BCL2L13: variants seen among roughly 807,000 people sequenced by gnomAD.
BCL2L13 encodes bcl-2-like protein 13.
BCL2L13 carries 13 observed loss-of-function variants against 25.8 expected under a neutral mutation model. The observed-to-expected ratio is 0.50, with a 90% CI of 0.33 to 0.80. The LOEUF is 0.80. Among genes scored for constraint, BCL2L13 ranks in the 30% least tolerant of loss-of-function variants. The pLI is 0.02. For synonymous variants in BCL2L13, 244 were observed against 230.3 expected (o/e 1.06, Z -0.54); for missense variants, 504 against 574.9 (o/e 0.88, Z 1.26).
chr22:17,658,112 G>A (rs760053255), intron 2 of BCL2L13, among the ~76,000 whole-genome samples: 2 of 150,890 alleles, frequency 1.3e-5, no homozygotes, highest in African/African-American at 2.5e-5. Context: ...GAGCCACCAC[G>A]CCCGGCCGAC....
intron 2 of BCL2L13, among the ~76,000 whole-genome samples, chr22:17,682,993 C>T (rs868141624): frequency 2.0e-5 from 3 of 152,114 alleles, no homozygotes; most frequent in Middle Eastern, 6.8e-3. Flanking sequence ...ATTAGCCAGG[C>T]GTGGTGGCAG....
At chr22:17,665,438 T>G (rs1158715655) in intron 2 of BCL2L13, among the ~76,000 whole-genome samples, 1 of 152,222 alleles carries the variant, frequency 6.6e-6, no homozygotes, top group African/African-American at 2.4e-5. Context: ...TGTTCCAACT[T>G]CTGCCTGTTT....
chr22:17,691,793 GT>G (rs1444022623), intron 4 of BCL2L13, among the ~76,000 whole-genome samples: 17 of 152,172 alleles, frequency 1.1e-4, no homozygotes, highest in African/African-American at 4.1e-4. Context: ...TGTTATGTAA[GT>G]TTTTAAAAGT....
chr22:17,685,754 C>CTTTTTTTTTTTTTTTTTT (rs2059909181), intron 3 of BCL2L13, among the ~76,000 whole-genome samples: 1 of 53,996 alleles, frequency 1.9e-5, no homozygotes, highest in African/African-American at 6.3e-5. Flanking sequence ...ATAATTTTTT[C>CTTTTTTTTTTTTTTTTTT]TTTTTCTTTT....
intron 6 of BCL2L13, chr22:17,703,272 A>C (rs2060494278): frequency 6.6e-6 from 1 of 152,198 alleles, no homozygotes; most frequent in Admixed American, 6.5e-5. Context: ...AGAAGTCTGT[A>C]CGTGTCCATT....
At chr22:17,655,513 G>A (rs1219853300) in intron 1 of BCL2L13, 149 bp from the exon 2 acceptor site, 3 of 388,788 alleles carry the variant, frequency 7.7e-6, no homozygotes, top group Non-Finnish European at 8.6e-6. Context: ...AGGTTGTGGT[G>A]AGCTGAGATT....
At chr22:17,709,556 C>T (rs2060687137) in intron 6 of BCL2L13, among the ~76,000 whole-genome samples, 1 of 152,118 alleles carries the variant, frequency 6.6e-6, no homozygotes, top group Admixed American at 6.5e-5. Flanking sequence ...GATTGTGCCT[C>T]TGCGCTCCAA....
chr22:17,649,272 A>G lies in BCL2L13; in HGVS notation c.-50-6390A>G, dbSNP rs186208652. On this transcript the variant is annotated intron_variant, in intron 1 of 6. Transcript: ENST00000317582. ...GCCACCATGCCTGGCTAATTTTTGT[A>G]TTTTAGTAGGGACGGGGTTTCACCA... 5.1e-4 allele frequency among the ~76,000 whole-genome samples: 78 copies of G among 151,594 alleles called. No homozygotes were observed. In the East Asian group the frequency reaches 0.012, roughly 24 times the overall value.
chr22:17,682,586 A>C lies in BCL2L13; in HGVS notation c.122-628A>C, dbSNP rs914557951. On this transcript the variant is annotated intron_variant, in intron 2 of 6. Transcript: ENST00000317582. Reference sequence around the variant, plus strand: ...GATACATTGTCTACAAAAAGAGAGGACTGGCCCGACTTATTGATACATCTT... The same window carrying C: ...GATACATTGTCTACAAAAAGAGAGGCCTGGCCCGACTTATTGATACATCTT... Among the ~76,000 whole-genome samples, 3 of 152,052 alleles carry C rather than the reference A, an allele frequency of 2.0e-5. No individual in the cohort carries two copies. In the South Asian group the frequency reaches 6.2e-4, roughly 32 times the overall value.
At chr22:17,681,122 A>G (rs1248763848) in intron 2 of BCL2L13, among the ~76,000 whole-genome samples, 2 of 152,192 alleles carry the variant, frequency 1.3e-5, no homozygotes, top group African/African-American at 2.4e-5. Flanking sequence ...AGGTTACCCA[A>G]TAGTACAAAA....
chr22:17,696,131 ATC>A lies in BCL2L13; in HGVS notation c.387-6_387-5del, dbSNP rs954051851. 1.2e-6 allele frequency: 2 copies of A among 1,610,218 alleles called. No homozygotes were observed. The highest frequency in any genetic ancestry group is 1.7e-6 in the Non-Finnish European group (2 of 1,176,548). On this transcript the variant is annotated splice_region_variant and splice_polypyrimidine_tract_variant and intron_variant, in intron 4 of 6. Transcript: ENST00000317582. ...CTTTGTGACACAGACTTTTAAAAAA[ATC>A]TCTACAGGCCAGTGACATATCAGGC...
chr22:17,706,091 T>G (rs1188909321), intron 6 of BCL2L13, among the ~76,000 whole-genome samples: 1 of 152,214 alleles, frequency 6.6e-6, no homozygotes, highest in Non-Finnish European at 1.5e-5. Context: ...ATGGCTCATT[T>G]GCAGCCTCAA....
chr22:17,662,105 G>C (rs2059086743), intron 2 of BCL2L13, among the ~76,000 whole-genome samples: 1 of 152,096 alleles, frequency 6.6e-6, no homozygotes, highest in African/African-American at 2.4e-5. Flanking sequence ...TTCTGATAGA[G>C]TTTTTAGCAC....
chr22:17,638,684 A>G (rs550357097), upstream of BCL2L13: 10 of 1,231,680 alleles, frequency 8.1e-6, no homozygotes, highest in African/African-American at 1.2e-4. Flanking sequence ...CGCTCCGGAT[A>G]CCGTTCCGGA....
chr22:17,684,392 A>G lies in BCL2L13; in HGVS notation c.229+1071A>G, dbSNP rs1438398954. 3.3e-5 allele frequency among the ~76,000 whole-genome samples: 5 copies of G among 152,324 alleles called. No homozygotes were observed. The East Asian group carries it at 9.6e-4, about 29-fold the overall frequency. On this transcript the variant is annotated intron_variant, in intron 3 of 6. Transcript: ENST00000317582. ...TTTATCACCATGATCTAAATTTAGAACACTTTCGGTTCTCCTTAAAGAAAC... is the reference window on the plus strand; with the variant it reads ...TTTATCACCATGATCTAAATTTAGAGCACTTTCGGTTCTCCTTAAAGAAAC...
At chr22:17,670,037 T>C (rs1460345656) in intron 2 of BCL2L13, among the ~76,000 whole-genome samples, 1 of 152,246 alleles carries the variant, frequency 6.6e-6, no homozygotes, top group Middle Eastern at 3.2e-3. Flanking sequence ...TTTCTCCCAT[T>C]GGTTGACCTT....
At chr22:17,649,582 A>G (rs1395332463) in intron 1 of BCL2L13, among the ~76,000 whole-genome samples, 2 of 151,804 alleles carry the variant, frequency 1.3e-5, no homozygotes, top group Non-Finnish European at 2.9e-5. Context: ...GGCTCACTGC[A>G]ACCTCTGCCT....
chr22:17,722,382 T>G (rs754642991), intron 6 of BCL2L13, among the ~76,000 whole-genome samples: 2 of 126,544 alleles, frequency 1.6e-5, no homozygotes, highest in Non-Finnish European at 3.2e-5. Context: ...TACAGGGGTG[T>G]GTGTGTGTGT....
At position 17,661,808 on chromosome 22, in the gene BCL2L13, A is replaced by T. The variant is rs545721706; in HGVS notation, c.121+5976A>T. The stretch of plus-strand genomic sequence containing the variant: ...GGAGTTAGAGACCAGCTTGACCCAC[A>T]TGGAGAAACCCTGTCTCTACTAAAA... On this transcript the variant is annotated intron_variant, in intron 2 of 6. Coordinates refer to ENST00000317582, the MANE Select transcript of BCL2L13 (RefSeq NM_015367.4). Among the ~76,000 whole-genome samples the T allele has an allele frequency of 3.5e-5, 5 of 144,074 alleles. 1 individual carries two copies. The highest frequency in any genetic ancestry group is 3.9e-4 in the East Asian group (2 of 5,120). The allele number at this position is 144,074 out of a possible 152,430, so 94.5% of individuals were successfully genotyped here. A position where few individuals can be genotyped will look rare whatever the true frequency, so the allele number is the denominator to read the frequency against.
Sources: gnomAD v4.1 joint callset for allele counts (sites outside exome capture counted in the v4.1 genomes callset) on GRCh38, gnomAD v4.1.1 for gene constraint, MANE v1.5 for transcripts, NCBI Gene and HGNC (gene_info 2026-07-23, HGNC 2026-07-21) for gene names.